The following DLG2 variants were observed in gnomAD, a reference collection of about 807,000 sequenced individuals.
The protein encoded by DLG2 is disks large homolog 2.
A neutral mutation model predicts 132.5 loss-of-function variants in DLG2; 45 were observed. That is an observed-to-expected ratio of 0.34 (90% confidence interval 0.27 to 0.44). The LOEUF (loss-of-function observed/expected upper bound fraction) is 0.44, where lower values mean the gene tolerates loss of function less well. Among genes scored for constraint, DLG2 ranks in the 20% least tolerant of loss-of-function variants. The pLI, the probability that DLG2 is intolerant of heterozygous loss-of-function variation, is 1.00. For missense variants in DLG2, 1,045 were observed against 1,196.9 expected, an observed-to-expected ratio of 0.87 and a Z score of 1.87; for synonymous variants, 424 against 419.6, an observed-to-expected ratio of 1.01 and a Z score of -0.13.
intron 6 of DLG2, among the ~76,000 whole-genome samples, chr11:84,972,431 T>C (rs1425010338): frequency 6.6e-6 from 1 of 152,212 alleles, no homozygotes; most frequent in Non-Finnish European, 1.5e-5. Flanking sequence ...GCTGGTTTTG[T>C]CTATTACAAG....
intron 11 of DLG2, among the ~76,000 whole-genome samples, chr11:83,997,730 C>CAAAAAAAAAAAAAAAAAAAA (rs71066079): frequency 1.6e-4 from 4 of 24,794 alleles, no homozygotes; most frequent in Admixed American, 8.7e-4. Flanking sequence ...GACTCCATCT[C>CAAAAAAAAAAAAAAAAAAAA]AAAAAAAAAA....
intron 11 of DLG2, among the ~76,000 whole-genome samples, chr11:84,010,848 G>C (rs763242053): frequency 6.6e-6 from 1 of 151,954 alleles, no homozygotes; most frequent in Non-Finnish European, 1.5e-5. Flanking sequence ...CTGAAGTCTC[G>C]AGTCGATCAA....
chr11:85,584,348 G>A (rs1179843943), intron 3 of DLG2, among the ~76,000 whole-genome samples: 2 of 91,120 alleles, frequency 2.2e-5, no homozygotes, highest in Non-Finnish European at 5.0e-5. Flanking sequence ...TGGTGTGTGT[G>A]TGTGTGTGTG....
chr11:84,227,960 T>A (rs904169659), intron 8 of DLG2, among the ~76,000 whole-genome samples: 1 of 152,108 alleles, frequency 6.6e-6, no homozygotes, highest in Admixed American at 6.6e-5. Context: ...AATTATATTT[T>A]TTCACACCAC....
intron 3 of DLG2, among the ~76,000 whole-genome samples, chr11:85,373,273 CAT>C (rs1233162093): frequency 1.3e-5 from 2 of 152,096 alleles, no homozygotes; most frequent in Admixed American, 6.6e-5. Context: ...CATTTTGATA[CAT>C]GTTTCCTAAT....
chr11:84,263,376 A>C (rs2097571966), intron 7 of DLG2, among the ~76,000 whole-genome samples: 1 of 152,148 alleles, frequency 6.6e-6, no homozygotes, highest in Non-Finnish European at 1.5e-5. Flanking sequence ...CAATTATAGA[A>C]ATTGGTTTCT....
At chr11:85,406,278 A>G (rs1055718230) in intron 3 of DLG2, among the ~76,000 whole-genome samples, 3 of 151,926 alleles carry the variant, frequency 2.0e-5, no homozygotes, top group African/African-American at 7.2e-5. Context: ...AGAAAAAAAA[A>G]AAGAAGGAAA....
At chr11:84,866,656 C>T (rs1235965594) in intron 6 of DLG2, among the ~76,000 whole-genome samples, 1 of 152,116 alleles carries the variant, frequency 6.6e-6, no homozygotes, top group African/African-American at 2.4e-5. Flanking sequence ...GCTCTATTTA[C>T]AGGATAGTTA....
At chr11:83,952,717 T>C (rs918397674) in intron 14 of DLG2, among the ~76,000 whole-genome samples, 11 of 151,958 alleles carry the variant, frequency 7.2e-5, no homozygotes, top group Admixed American at 7.2e-4. Flanking sequence ...TCATTGCACA[T>C]AGTATGGTCC....
intron 7 of DLG2, among the ~76,000 whole-genome samples, chr11:84,440,737 C>A (rs940689396): frequency 6.6e-6 from 1 of 152,128 alleles, no homozygotes; most frequent in South Asian, 2.1e-4. Flanking sequence ...GTTTGAGATG[C>A]AACAGTAATC....
intron 11 of DLG2, among the ~76,000 whole-genome samples, chr11:84,050,285 A>G (rs1000232477): frequency 1.3e-5 from 2 of 151,582 alleles, no homozygotes; most frequent in Non-Finnish European, 3.0e-5. Context: ...GCCAGATAAG[A>G]TATCAAGAAT....
chr11:83,593,559 G>C (rs2097227606), intron 19 of DLG2, among the ~76,000 whole-genome samples: 1 of 151,536 alleles, frequency 6.6e-6, no homozygotes, highest in Non-Finnish European at 1.5e-5. Flanking sequence ...ACGAGTTAGT[G>C]GGTGCAGTGC....
At chr11:83,762,384 T>A (rs887817353) in intron 18 of DLG2, among the ~76,000 whole-genome samples, 1 of 152,196 alleles carries the variant, frequency 6.6e-6, no homozygotes, top group Non-Finnish European at 1.5e-5. Flanking sequence ...CAAGTTACAA[T>A]GGCTTTCCAA....
At chr11:84,280,925 G>A (rs1169531408) in intron 7 of DLG2, among the ~76,000 whole-genome samples, 1 of 114,514 alleles carries the variant, frequency 8.7e-6, no homozygotes, top group Non-Finnish European at 1.7e-5. Context: ...GTTTTACTGT[G>A]TTAGCCAGGA....
intron 15 of DLG2, among the ~76,000 whole-genome samples, chr11:83,878,592 T>C (rs1222856057): frequency 1.3e-5 from 2 of 152,230 alleles, no homozygotes; most frequent in East Asian, 1.9e-4. Flanking sequence ...TTACCACATA[T>C]GCTCAACTTC....
At chr11:85,356,238 C>A (rs1007062526) in intron 3 of DLG2, among the ~76,000 whole-genome samples, 2 of 152,130 alleles carry the variant, frequency 1.3e-5, no homozygotes, top group Non-Finnish European at 2.9e-5. Flanking sequence ...ATTCCATATT[C>A]TTTTTTTACT....
rs191606277 is a variant in DLG2 at position 85,515,216 on chromosome 11, C to T, written c.40+83441G>A. Among the ~76,000 whole-genome samples, 5 of 152,018 alleles carry T rather than the reference C, an allele frequency of 3.3e-5. No homozygotes were observed. In the East Asian group the frequency reaches 7.7e-4, roughly 23 times the overall value. On this transcript the variant is annotated intron_variant, in intron 3 of 27. Coordinates refer to ENST00000376104, the MANE Select transcript of DLG2 (RefSeq NM_001142699.3). ...TCCAGTAAGAGAATTGTTCAGTGTA[C>T]GCCTAGATTATTCTAATTTCAAAAC... is the stretch of plus-strand genomic sequence containing the variant.
At chr11:84,869,260 C>T (rs2085099437) in intron 6 of DLG2, among the ~76,000 whole-genome samples, 1 of 152,102 alleles carries the variant, frequency 6.6e-6, no homozygotes, top group Non-Finnish European at 1.5e-5. Flanking sequence ...ACTGAGTGAT[C>T]TGTGGTGCCA....
chr11:83,588,842 T>A (rs1254868581), intron 19 of DLG2, among the ~76,000 whole-genome samples: 5 of 152,118 alleles, frequency 3.3e-5, no homozygotes, highest in Non-Finnish European at 7.3e-5. Flanking sequence ...ACATGAAGAA[T>A]GCAGAAGCGT....
Sources: allele counts gnomAD v4.1 joint callset (sites outside exome capture counted in the v4.1 genomes callset), GRCh38; gene constraint gnomAD v4.1.1; transcripts MANE v1.5; gene names NCBI Gene and HGNC (gene_info 2026-07-23, HGNC 2026-07-21).